SIPA1L1: variants seen among roughly 807,000 people sequenced by gnomAD.
The protein encoded by SIPA1L1 is signal induced proliferation associated 1 like 1.
SIPA1L1 carries 26 observed loss-of-function variants against 162.7 expected under a neutral mutation model. The ratio of observed to expected loss-of-function variants is 0.16; its 90% CI spans 0.12 to 0.22. The LOEUF (loss-of-function observed/expected upper bound fraction) is 0.22. SIPA1L1 is among the 10% of genes least tolerant of loss of function. The probability of loss-of-function intolerance (pLI) is 1.00; values close to 1 mark genes in which losing one functional copy is unlikely to be tolerated. For synonymous variants in SIPA1L1, 829 were observed against 837.4 expected (o/e 0.99, Z 0.17); for missense variants, 1,874 against 2,241.0 (o/e 0.84, Z 3.31).
intron 20 of SIPA1L1, 26 bp from the exon 21 acceptor site, chr14:71,733,640 A>T: frequency 6.2e-7 from 1 of 1,610,156 alleles, no homozygotes; most frequent in Non-Finnish European, 8.5e-7. Context: ...CACAAGAAGC[A>T]TCTCATTCCT....
chr14:71,496,001 T>A (rs1340358471), intron 2 of SIPA1L1, among the ~76,000 whole-genome samples: 25 of 151,126 alleles, frequency 1.7e-4, no homozygotes, highest in Admixed American at 1.6e-3. Flanking sequence ...GGAGGATTGC[T>A]TGAGACTGCT....
chr14:71,547,402 C>T lies in SIPA1L1; in HGVS notation c.-303+18032C>T, dbSNP rs537782118. On this transcript the variant is annotated intron_variant, in intron 4 of 23. Coordinates refer to ENST00000381232, the MANE Select transcript of SIPA1L1 (RefSeq NM_001386936.1). Reference sequence around the variant, plus strand: ...TCCACCTCCCAGGTTCAAGTGATTCCGCTGCCTCAGCCTCCCAAGTAGCTG... The same window carrying T: ...TCCACCTCCCAGGTTCAAGTGATTCTGCTGCCTCAGCCTCCCAAGTAGCTG... Among the ~76,000 whole-genome samples, 804 of 150,144 alleles carry T rather than the reference C, an allele frequency of 5.4e-3. 4 individuals are homozygous for T. Among genetic ancestry groups the T allele is most frequent in the Non-Finnish European group, 9.1e-3 (615 of 67,648 alleles).
At chr14:71,615,804 C>T (rs537524393) in intron 5 of SIPA1L1, among the ~76,000 whole-genome samples, 13 of 152,214 alleles carry the variant, frequency 8.5e-5, no homozygotes, top group African/African-American at 2.4e-4. Context: ...GTCAGGAGTT[C>T]GAGACCAGCC....
At chr14:71,427,465 CTT>C (rs1007599624) in intron 2 of SIPA1L1, among the ~76,000 whole-genome samples, 2 of 152,150 alleles carry the variant, frequency 1.3e-5, no homozygotes, top group Non-Finnish European at 2.9e-5. Context: ...AAGATTCTAT[CTT>C]TGTCTTTAGA....
At chr14:71,393,872 G>T (rs2040968712) in intron 2 of SIPA1L1, among the ~76,000 whole-genome samples, 2 of 152,174 alleles carry the variant, frequency 1.3e-5, no homozygotes, top group South Asian at 4.1e-4. Flanking sequence ...CAGTGGTCTG[G>T]TTATCCAGGG....
At chr14:71,707,034 A>T (rs78283803) in intron 16 of SIPA1L1, among the ~76,000 whole-genome samples, 2 of 143,630 alleles carry the variant, frequency 1.4e-5, no homozygotes, top group Non-Finnish European at 3.1e-5. Flanking sequence ...GACTCCGTCA[A>T]AAAAAAAAAA....
chr14:71,447,757 C>T (rs989071870), intron 2 of SIPA1L1, among the ~76,000 whole-genome samples: 21 of 151,480 alleles, frequency 1.4e-4, no homozygotes, highest in African/African-American at 3.9e-4. Flanking sequence ...TTAGTAGAGA[C>T]GGGATTTTAC....
chr14:71,494,914 C>T (rs2049610612), intron 2 of SIPA1L1, among the ~76,000 whole-genome samples: 1 of 152,174 alleles, frequency 6.6e-6, no homozygotes, highest in Non-Finnish European at 1.5e-5. Flanking sequence ...GCTGGGATTA[C>T]AGGCATGAGC....
chr14:71,477,911 T>C (rs1053007446), intron 2 of SIPA1L1, among the ~76,000 whole-genome samples: 2 of 152,242 alleles, frequency 1.3e-5, no homozygotes, highest in Non-Finnish European at 2.9e-5. Context: ...GGGGTATGTT[T>C]AACTTTCTGA....
At chr14:71,514,628 C>T (rs1442660180) in intron 3 of SIPA1L1, among the ~76,000 whole-genome samples, 1 of 152,072 alleles carries the variant, frequency 6.6e-6, no homozygotes, top group Non-Finnish European at 1.5e-5. Flanking sequence ...GTGTGGGGGC[C>T]CAGTCCTGCC....
chr14:71,477,532 C>T (rs139715272), intron 2 of SIPA1L1, among the ~76,000 whole-genome samples: 49 of 152,148 alleles, frequency 3.2e-4, no homozygotes, highest in African/African-American at 1.1e-3. Context: ...TAACAGATGG[C>T]GTCTCGCCGT....
chr14:71,405,092 G>A (rs2140140960), intron 2 of SIPA1L1, among the ~76,000 whole-genome samples: 1 of 152,334 alleles, frequency 6.6e-6, no homozygotes, highest in Non-Finnish European at 1.5e-5. Flanking sequence ...AACAATGATT[G>A]GTACATAGTA....
rs35037397 is a variant in SIPA1L1 at position 71,599,147 on chromosome 14, C to CTTTTTTT, written c.1498+9791_1498+9797dup. ...TTGCTGCAAATGACATGATTTCATT[C>CTTTTTTT]TTTTTTTTTTTTTTTTTTTTGAGAT... is the stretch of plus-strand genomic sequence containing the variant. On this transcript the variant is annotated intron_variant, in intron 5 of 23. Transcript: ENST00000381232. Among the ~76,000 whole-genome samples, 37 of 106,144 alleles carry CTTTTTTT rather than the reference C, an allele frequency of 3.5e-4. 1 individual carries two copies. Among genetic ancestry groups the CTTTTTTT allele is most frequent in the Admixed American group, 4.8e-4 (4 of 8,306 alleles). 69.6% of individuals were successfully genotyped at this position (106,144 alleles called of 152,430 possible). A position where few individuals can be genotyped will look rare whatever the true frequency, so the allele number is the denominator to read the frequency against.
chr14:71,477,904 G>T (rs2048012991), intron 2 of SIPA1L1, among the ~76,000 whole-genome samples: 1 of 152,184 alleles, frequency 6.6e-6, no homozygotes, highest in Non-Finnish European at 1.5e-5. Flanking sequence ...CATGGTAGGG[G>T]TATGTTTAAC....
chr14:71,447,697 G>A (rs1003906258), intron 2 of SIPA1L1, among the ~76,000 whole-genome samples: 1 of 151,772 alleles, frequency 6.6e-6, no homozygotes, highest in South Asian at 2.1e-4. Context: ...CTAAGTAGCT[G>A]GGACTACAGG....
At chr14:71,600,439 G>A (rs925137792) in intron 5 of SIPA1L1, among the ~76,000 whole-genome samples, 2 of 152,056 alleles carry the variant, frequency 1.3e-5, no homozygotes, top group Non-Finnish European at 2.9e-5. Flanking sequence ...TCTGGATTCT[G>A]TTCCATTGGT....
intron 4 of SIPA1L1, among the ~76,000 whole-genome samples, chr14:71,563,244 C>G (rs751520784): frequency 6.7e-6 from 1 of 150,060 alleles, no homozygotes; most frequent in Non-Finnish European, 1.5e-5. Context: ...AGTACAAATA[C>G]TTCTTTTATC....
At chr14:71,333,871 T>G (rs954548948) in intron 2 of SIPA1L1, among the ~76,000 whole-genome samples, 4 of 152,166 alleles carry the variant, frequency 2.6e-5, no homozygotes, top group African/African-American at 7.2e-5. Context: ...ATAGGTGAGA[T>G]ATGATAGCAG....
intron 2 of SIPA1L1, among the ~76,000 whole-genome samples, chr14:71,378,134 A>C (rs1159921670): frequency 2.6e-5 from 4 of 151,768 alleles, no homozygotes; most frequent in African/African-American, 9.7e-5. Flanking sequence ...CTCTAACTAA[A>C]AGTGTGTCGG....
Sources: allele counts gnomAD v4.1 joint callset (sites outside exome capture counted in the v4.1 genomes callset), GRCh38; gene constraint gnomAD v4.1.1; transcripts MANE v1.5; gene names NCBI Gene and HGNC (gene_info 2026-07-23, HGNC 2026-07-21).